The following ANO2 variants were observed in gnomAD, a reference collection of about 807,000 sequenced individuals.
The protein encoded by ANO2 is anoctamin 2.
Under a neutral mutation model 124.2 loss-of-function variants are expected in ANO2, and 101 were observed. The ratio of observed to expected loss-of-function variants is 0.81; its 90% CI spans 0.69 to 0.96. The LOEUF (loss-of-function observed/expected upper bound fraction) is 0.96. ANO2 is among the 40% of genes least tolerant of loss of function. The pLI is 0.00. For synonymous variants in ANO2, 486 were observed against 482.5 expected (o/e 1.01, Z -0.09); for missense variants, 1,293 against 1,274.5 (o/e 1.01, Z -0.22).
At chr12:5,575,078 T>C (rs1591649084) in intron 23 of ANO2, among the ~76,000 whole-genome samples, 1 of 152,284 alleles carries the variant, frequency 6.6e-6, no homozygotes, top group East Asian at 1.9e-4. Context: ...TAGAATGTTT[T>C]TCTTTTCTCT....
intron 1 of ANO2, among the ~76,000 whole-genome samples, chr12:5,923,092 A>ACACACACACACG (rs1491562786): frequency 1.9e-4 from 2 of 10,726 alleles, no homozygotes; most frequent in African/African-American, 2.5e-4. Context: ...ACACACACAC[A>ACACACACACACG]CGCACACACA....
intron 12 of ANO2, among the ~76,000 whole-genome samples, chr12:5,743,472 CGTGT>C (rs112084814): frequency 5.4e-5 from 8 of 149,444 alleles, no homozygotes; most frequent in Admixed American, 2.0e-4. Flanking sequence ...TGAGAATAGG[CGTGT>C]GTGTGTGTGT....
intron 11 of ANO2, among the ~76,000 whole-genome samples, chr12:5,749,991 A>G (rs1021561480): frequency 5.9e-5 from 9 of 151,922 alleles, no homozygotes; most frequent in African/African-American, 1.5e-4. Flanking sequence ...CAGTGGCACA[A>G]TCAATCACAG....
chr12:5,744,063 G>A (rs1198106869), intron 12 of ANO2, 94 bp downstream of exon 12: 1 of 1,484,958 alleles, frequency 6.7e-7, no homozygotes, highest in Non-Finnish European at 9.1e-7. Flanking sequence ...AAATGCGAAA[G>A]TAAGTAACCT....
intron 13 of ANO2, among the ~76,000 whole-genome samples, chr12:5,735,979 G>T (rs1950844879): frequency 6.6e-6 from 1 of 152,232 alleles, no homozygotes; most frequent in South Asian, 2.1e-4. Flanking sequence ...AGAGGCCCAG[G>T]GTATTCCTGA....
chr12:5,920,711 C>T (rs1565779916), intron 3 of ANO2, among the ~76,000 whole-genome samples: 1 of 151,914 alleles, frequency 6.6e-6, no homozygotes, highest in Non-Finnish European at 1.5e-5. Flanking sequence ...TAAAAAAATA[C>T]AAAAAATTAG....
intron 12 of ANO2, among the ~76,000 whole-genome samples, chr12:5,742,609 A>G (rs551644474): frequency 1.3e-5 from 2 of 152,354 alleles, no homozygotes; most frequent in South Asian, 4.1e-4. Flanking sequence ...AAGTTTCTCT[A>G]CAACAGGGGA....
At chr12:5,589,973 C>T (rs1325525775) in intron 20 of ANO2, among the ~76,000 whole-genome samples, 1 of 151,898 alleles carries the variant, frequency 6.6e-6, no homozygotes, top group Non-Finnish European at 1.5e-5. Context: ...CACTACACCT[C>T]GGAAGGAATA....
chr12:5,591,676 C>T (rs1943402022), intron 20 of ANO2, among the ~76,000 whole-genome samples: 1 of 152,126 alleles, frequency 6.6e-6, no homozygotes, highest in African/African-American at 2.4e-5. Flanking sequence ...TCCTTTAGCA[C>T]TGTTCATCTC....
chr12:5,737,005 C>A (rs1950895299), intron 13 of ANO2, among the ~76,000 whole-genome samples: 1 of 152,240 alleles, frequency 6.6e-6, no homozygotes, highest in Non-Finnish European at 1.5e-5. Flanking sequence ...AAAGAGCACC[C>A]TGCTGGATGC....
chr12:5,742,037 A>G (rs1487650097), intron 12 of ANO2, among the ~76,000 whole-genome samples: 1 of 152,130 alleles, frequency 6.6e-6, no homozygotes, highest in Non-Finnish European at 1.5e-5. Flanking sequence ...CTCTTTCCCA[A>G]CATACCCTGG....
intron 17 of ANO2, among the ~76,000 whole-genome samples, chr12:5,614,731 T>C (rs114498478): frequency 0.014 from 2,190 of 152,292 alleles, 43 homozygotes; most frequent in African/African-American, 0.049. Flanking sequence ...CAGTGGGTCA[T>C]AACTGCCGGT....
chr12:5,565,763 C>G, intron 23 of ANO2, 100 bp from the exon 24 acceptor site: 1 of 919,386 alleles, frequency 1.1e-6, no homozygotes, highest in South Asian at 1.8e-5. Flanking sequence ...GCATCAGGCA[C>G]GCATGCCCTT....
intron 3 of ANO2, among the ~76,000 whole-genome samples, chr12:5,897,955 C>A (rs535624775): frequency 2.4e-4 from 37 of 151,994 alleles, no homozygotes; most frequent in African/African-American, 8.7e-4. Flanking sequence ...AAAAGAAAAA[C>A]CACTGAGTGA....
At chr12:5,579,873 A>G (rs1047759490) in intron 20 of ANO2, among the ~76,000 whole-genome samples, 5 of 152,108 alleles carry the variant, frequency 3.3e-5, no homozygotes, top group Admixed American at 6.5e-5. Context: ...GCAAGCTTCT[A>G]TGCATCCCTG....
chr12:5,652,627 A>G (rs953178288), intron 14 of ANO2, among the ~76,000 whole-genome samples: 2 of 151,870 alleles, frequency 1.3e-5, no homozygotes, highest in Admixed American at 1.3e-4. Flanking sequence ...GTTAGTTTTG[A>G]GGTGTACTGG....
intron 14 of ANO2, among the ~76,000 whole-genome samples, chr12:5,685,008 G>A (rs529316006): frequency 2.0e-4 from 31 of 152,298 alleles, no homozygotes; most frequent in African/African-American, 7.5e-4. Context: ...TAGGTAAATG[G>A]TCTAGTTCCT....
At chr12:5,780,479 G>C (rs941491294) in intron 10 of ANO2, among the ~76,000 whole-genome samples, 11 of 152,330 alleles carry the variant, frequency 7.2e-5, no homozygotes, top group Admixed American at 1.3e-4. Flanking sequence ...AGCAACGTCT[G>C]ATTTCTTAGG....
At chr12:5,641,069 T>C (rs1199568477) in intron 15 of ANO2, among the ~76,000 whole-genome samples, 2 of 152,198 alleles carry the variant, frequency 1.3e-5, no homozygotes, top group African/African-American at 4.8e-5. Flanking sequence ...TTCATGTTCT[T>C]TGCAGGGACA....
Sources: allele counts gnomAD v4.1 joint callset (sites outside exome capture counted in the v4.1 genomes callset), GRCh38; gene constraint gnomAD v4.1.1; transcripts MANE v1.5; gene names NCBI Gene and HGNC (gene_info 2026-07-23, HGNC 2026-07-21).